ZNF595: variants seen among roughly 807,000 people sequenced by gnomAD.
ZNF595 encodes zinc finger protein 595.
In ZNF595, 9 loss-of-function variants were observed where a neutral mutation model predicts 19.4. The ratio of observed to expected loss-of-function variants is 0.46; its 90% CI spans 0.28 to 0.81. The LOEUF (loss-of-function observed/expected upper bound fraction) is 0.81. Among genes scored for constraint, ZNF595 ranks in the 30% least tolerant of loss-of-function variants. The probability of loss-of-function intolerance (pLI) is 0.11; values close to 1 mark genes in which losing one functional copy is unlikely to be tolerated. For missense variants in ZNF595, 729 were observed against 736.0 expected (o/e 0.99, Z 0.11); for synonymous variants, 255 against 255.9 (o/e 1.00, Z 0.03).
chr4:66,265 T>C (rs1713099157), intron 3 of ZNF595, among the ~76,000 whole-genome samples: 1 of 152,136 alleles, frequency 6.6e-6, no homozygotes, highest in African/African-American at 2.4e-5. Context: ...GAATTTTTTT[T>C]CAATAATTGT....
At chr4:63,141 C>G (rs1476866120) in intron 3 of ZNF595, among the ~76,000 whole-genome samples, 1 of 138,668 alleles carries the variant, frequency 7.2e-6, no homozygotes, top group Non-Finnish European at 1.5e-5. Flanking sequence ...GGATATGTTT[C>G]TGGGCTCCCT....
intron 3 of ZNF595, among the ~76,000 whole-genome samples, chr4:84,151 G>T (rs1163298518): frequency 6.6e-6 from 1 of 151,908 alleles, no homozygotes; most frequent in African/African-American, 2.4e-5. Context: ...ATATTTTTAT[G>T]TTGCTTATTT....
rs1714293577 is a variant in ZNF595 at position 87,712 on chromosome 4, T to C, written c.*261T>C. 1 of 226,862 alleles carries C rather than the reference T, an allele frequency of 4.4e-6. No individual in the cohort carries two copies. The highest frequency in any genetic ancestry group is 1.4e-3 in the Middle Eastern group (1 of 734). 14.1% of individuals were successfully genotyped at this position (226,862 alleles called of 1,614,324 possible). A position where few individuals can be genotyped will look rare whatever the true frequency, so the allele number is the denominator to read the frequency against. ...ATTACACACAGTCCAGTTATACACTTTAATTTTTTTTTTTTTTTTTTTTTT... is the reference window on the plus strand; with the variant it reads ...ATTACACACAGTCCAGTTATACACTCTAATTTTTTTTTTTTTTTTTTTTTT... On this transcript the variant is annotated 3_prime_UTR_variant, in exon 4 of 4. Coordinates refer to ENST00000610261, the MANE Select transcript of ZNF595 (RefSeq NM_182524.4).
At chr4:54,887 G>A (rs1581309396) in intron 1 of ZNF595, among the ~76,000 whole-genome samples, 1 of 152,422 alleles carries the variant, frequency 6.6e-6, no homozygotes, top group East Asian at 1.9e-4. Flanking sequence ...CCCACTCATG[G>A]CTTTTTTTTT....
intron 3 of ZNF595, among the ~76,000 whole-genome samples, chr4:83,356 A>T (rs959769460): frequency 7.2e-5 from 11 of 152,104 alleles, no homozygotes; most frequent in Non-Finnish European, 7.4e-5. Context: ...GTAGTGGCTC[A>T]CGCCTGTAAT....
At chr4:79,801 A>T (rs555835093) in intron 3 of ZNF595, among the ~76,000 whole-genome samples, 223 of 148,878 alleles carry the variant, frequency 1.5e-3, no homozygotes, top group African/African-American at 5.3e-3. Flanking sequence ...TGGTATTTTG[A>T]TAGAGATTTC....
Position 88,161 on chromosome 4 carries a change from A to G in ZNF595, c.*710A>G, listed in dbSNP as rs1714321582. ...AAATGTTCCATATTTATCTTTGAAC[A>G]TGTAGCATCTCTTTCCGCAAATAAA... On this transcript the variant is annotated 3_prime_UTR_variant, in exon 4 of 4. Transcript: ENST00000610261. 1 of 152,206 alleles carries G rather than the reference A, an allele frequency of 6.6e-6. No individual in the cohort carries two copies. The highest frequency in any genetic ancestry group is 2.1e-4 in the South Asian group (1 of 4,836). The allele number at this position is 152,206 out of a possible 1,614,324, so 9.4% of individuals were successfully genotyped here.
intron 3 of ZNF595, among the ~76,000 whole-genome samples, chr4:77,581 C>G (rs1471877575): frequency 6.6e-6 from 1 of 152,116 alleles, no homozygotes; most frequent in Non-Finnish European, 1.5e-5. Context: ...TGTTTGATCT[C>G]TGGGCTGATG....
intron 3 of ZNF595, among the ~76,000 whole-genome samples, chr4:79,519 TA>T (rs1217586164): frequency 6.6e-6 from 1 of 152,234 alleles, no homozygotes; most frequent in Non-Finnish European, 1.5e-5. Flanking sequence ...ACATCTTTGT[TA>T]AAAATCACTT....
rs551782030 is a variant in ZNF595, at chr4:85,275, G to C, written c.227-456G>C. ...AGCAGACCCAAGCTGTTCTTCCAAA[G>C]TATAGCACCGTTTCTCTCAGCTCTC... On this transcript the variant is annotated intron_variant, in intron 3 of 3. Coordinates refer to ENST00000610261, the MANE Select transcript of ZNF595 (RefSeq NM_182524.4). 5.3e-5 allele frequency among the ~76,000 whole-genome samples: 8 copies of C among 152,314 alleles called. No individual in the cohort carries two copies. The South Asian group carries it at 1.7e-3, about 32-fold the overall frequency.
chr4:79,468 A>G (rs1156617012), intron 3 of ZNF595, among the ~76,000 whole-genome samples: 6 of 152,204 alleles, frequency 3.9e-5, no homozygotes, highest in African/African-American at 9.6e-5. Context: ...TTCTAGCACT[A>G]TTTATTGAAA....
chr4:87,503 T>G lies in ZNF595; in HGVS notation c.*52T>G. ...CAGTGTCTTTACACAGCAAATAAAT[T>G]GGAGAATATTGCTCCCATATAAACT... On this transcript the variant is annotated 3_prime_UTR_variant, in exon 4 of 4. Coordinates refer to ENST00000610261, the MANE Select transcript of ZNF595 (RefSeq NM_182524.4). 1 of 1,408,848 alleles carries G rather than the reference T, an allele frequency of 7.1e-7. No individual in the cohort carries two copies. Among genetic ancestry groups the G allele is most frequent in the East Asian group, 2.4e-5 (1 of 40,912 alleles). 87.3% of individuals were successfully genotyped at this position (1,408,848 alleles called of 1,614,324 possible). A position where few individuals can be genotyped will look rare whatever the true frequency, so the allele number is the denominator to read the frequency against.
At chr4:78,032 G>A (rs1451929176) in intron 3 of ZNF595, among the ~76,000 whole-genome samples, 3 of 152,008 alleles carry the variant, frequency 2.0e-5, no homozygotes, top group Non-Finnish European at 4.4e-5. Context: ...TTTTTGAGAC[G>A]GAGTCTTGCT....
At chr4:75,336 A>G (rs1265207420) in intron 3 of ZNF595, among the ~76,000 whole-genome samples, 6 of 152,230 alleles carry the variant, frequency 3.9e-5, no homozygotes, top group Non-Finnish European at 8.8e-5. Flanking sequence ...TCTGATGAGA[A>G]TCATACTTCC....
chr4:78,437 T>C (rs909531667), intron 3 of ZNF595, among the ~76,000 whole-genome samples: 1 of 152,258 alleles, frequency 6.6e-6, no homozygotes, highest in African/African-American at 2.4e-5. Context: ...ATAAATCAGA[T>C]ATTTCTATTG....
intron 3 of ZNF595, chr4:67,891 C>CTTT (rs113282456): frequency 2.3e-4 from 110 of 479,146 alleles, no homozygotes; most frequent in South Asian, 1.4e-3. Context: ...AGGATTGCTT[C>CTTT]TTTTTTTTTT....
chr4:85,186 CTCT>C (rs1163091924), intron 3 of ZNF595, among the ~76,000 whole-genome samples: 2 of 152,182 alleles, frequency 1.3e-5, no homozygotes, highest in African/African-American at 4.8e-5. Flanking sequence ...TCTCTAGTCA[CTCT>C]TCTACCTATT....
Position 85,794 on chromosome 4 carries a change from A to G in ZNF595, c.290A>G (p.Lys97Arg). Reference sequence around the variant, plus strand: ...CAGGGGATAGAAGATTCATTCCACAAACTTATACTGAAAAGATACGAGAAA... The same window carrying G: ...CAGGGGATAGAAGATTCATTCCACAGACTTATACTGAAAAGATACGAGAAA... Reference protein sequence around the residue: ...PVQGIEDSFHKLILKRYEKCG... With the variant: ...PVQGIEDSFHRLILKRYEKCG... The change falls in exon 4 of 4, where the codon AAA becomes AGA. Residue 97 changes from lysine (K) to arginine (R), a missense_variant. Transcript: ENST00000610261. 1 of 1,613,604 alleles carries G rather than the reference A, an allele frequency of 6.2e-7. No individual in the cohort carries two copies. The highest frequency in any genetic ancestry group is 8.5e-7 in the Non-Finnish European group (1 of 1,179,676).
At chr4:80,352 A>T (rs1160738817) in intron 3 of ZNF595, among the ~76,000 whole-genome samples, 1 of 152,226 alleles carries the variant, frequency 6.6e-6, no homozygotes, top group East Asian at 1.9e-4. Context: ...AAACTCAACA[A>T]ATTAGATATA....
Sources: allele counts gnomAD v4.1 joint callset (sites outside exome capture counted in the v4.1 genomes callset), GRCh38; gene constraint gnomAD v4.1.1; transcripts MANE v1.5; gene names NCBI Gene and HGNC (gene_info 2026-07-23, HGNC 2026-07-21).